DCDC2C: variants seen among roughly 807,000 people sequenced by gnomAD.
DCDC2C encodes doublecortin domain containing 2C.
Under a neutral mutation model 45.0 loss-of-function variants are expected in DCDC2C, and 44 were observed. The ratio of observed to expected loss-of-function variants is 0.98; its 90% CI spans 0.77 to 1.26. The LOEUF (loss-of-function observed/expected upper bound fraction) is 1.26. Ranked by LOEUF, DCDC2C falls within the 50% of genes most tolerant of loss-of-function variation. DCDC2C has a pLI of 0.00. For synonymous variants in DCDC2C, 187 were observed against 178.8 expected, an observed-to-expected ratio of 1.05 and a Z score of -0.37; for missense variants, 447 against 468.9, an observed-to-expected ratio of 0.95 and a Z score of 0.43.
Position 3,706,507 on chromosome 2 carries a change from C to T in DCDC2C, c.288-2042C>T, listed in dbSNP as rs117853709. On this transcript the variant is annotated intron_variant, in intron 1 of 10. Transcript: ENST00000399143. Reference sequence around the variant, plus strand: ...TTTGTGGAGAAAGCCACATTTACAACAAAATCTAAATCAGGGTGTTGTGTA... The same window carrying T: ...TTTGTGGAGAAAGCCACATTTACAATAAAATCTAAATCAGGGTGTTGTGTA... Among the ~76,000 whole-genome samples the T allele has an allele frequency of 3.4e-4, 51 of 152,212 alleles. No homozygotes were observed. The East Asian group carries it at 9.4e-3, about 28-fold the overall frequency.
At chr2:3,764,204 T>C (rs1394733503) in intron 6 of DCDC2C, among the ~76,000 whole-genome samples, 3 of 152,224 alleles carry the variant, frequency 2.0e-5, no homozygotes, top group Non-Finnish European at 2.9e-5. Context: ...TAAAAGACAG[T>C]TTAAACTGAG....
chr2:3,783,696 G>T (rs1670573301), intron 9 of DCDC2C, among the ~76,000 whole-genome samples: 1 of 152,240 alleles, frequency 6.6e-6, no homozygotes, highest in Non-Finnish European at 1.5e-5. Flanking sequence ...TGGCAGTGGA[G>T]GTAGCGTGGG....
In DCDC2C at chr2:3,703,907, G is replaced by T. The variant is rs1332461015; in HGVS notation, c.156G>T (p.Glu52Asp). The T allele has an allele frequency of 7.4e-7, 1 of 1,343,206 alleles. No individual in the cohort carries two copies. Among genetic ancestry groups the T allele is most frequent in the Middle Eastern group, 2.6e-4 (1 of 3,882 alleles). The allele number at this position is 1,343,206 out of a possible 1,614,324, so 83.2% of individuals were successfully genotyped here. A position where few individuals can be genotyped will look rare whatever the true frequency, so the allele number is the denominator to read the frequency against. The stretch of plus-strand genomic sequence containing the variant: ...AGGCGCTGCTGGAGCAGCTCACGGA[G>T]CAGGTGGACGTCCCGTTCGGCGTGC... ...TFEALLEQLTEQVDVPFGVRR... is the reference protein window; with the variant it reads ...TFEALLEQLTDQVDVPFGVRR... The change falls in exon 1 of 11, where the codon GAG becomes GAT. Residue 52 changes from glutamate to aspartate, a missense_variant. By Grantham distance (45) the Glu-to-Asp change is conservative (BLOSUM62 2). Coordinates refer to ENST00000399143, the MANE Select transcript of DCDC2C (RefSeq NM_001287444.2). This position sits in a 1 kb window ranked among gnomAD's most constrained non-coding sequence, Gnocchi z 4.4.
Position 3,767,841 on chromosome 2 carries a change from A to G in DCDC2C, c.814A>G (p.Lys272Glu). The G allele has an allele frequency of 6.5e-7, 1 of 1,543,984 alleles. No individual in the cohort carries two copies. The highest frequency in any genetic ancestry group is 8.7e-7 in the Non-Finnish European group (1 of 1,145,170). ...DSVYYAKEEK[K>E]KTLAEPLVQR... ...TGTTTATTATGCCAAAGAAGAAAAG[A>G]AGAAAACATTGGCAGAACCTTTAGT... The change falls in exon 7 of 11, where the codon AAG becomes GAG. Residue 272 changes from lysine to glutamate, a missense_variant. Physicochemically the swap from Lys to Glu is moderately conservative, Grantham distance 56 (BLOSUM62 1). Transcript: ENST00000399143.
At chr2:3,767,610 G>A (rs1237808245) in intron 6 of DCDC2C, 144 bp from the exon 7 acceptor site, 2 of 848,796 alleles carry the variant, frequency 2.4e-6, no homozygotes, top group Admixed American at 3.1e-5. Flanking sequence ...TGCATTCGAA[G>A]TGAGGCTTCT....
Position 3,703,648 on chromosome 2 carries a change from G to C in DCDC2C, c.-104G>C. ...CCGTCCTGCGCCAGCGGCTGGAGCG[G>C]ACCTCCCGTCGGCGGTGCCCGGGCC... On this transcript the variant is annotated 5_prime_UTR_variant, in exon 1 of 11. Transcript: ENST00000399143. This position sits in a 1 kb window ranked among gnomAD's most constrained non-coding sequence, Gnocchi z 4.4. The C allele has an allele frequency of 1.8e-6, 2 of 1,107,750 alleles. No homozygotes were observed. The highest frequency in any genetic ancestry group is 2.3e-6 in the Non-Finnish European group (2 of 881,924). 68.6% of individuals were successfully genotyped at this position (1,107,750 alleles called of 1,614,324 possible).
At chr2:3,745,174 T>G (rs1016446308) in intron 4 of DCDC2C, among the ~76,000 whole-genome samples, 1 of 152,138 alleles carries the variant, frequency 6.6e-6, no homozygotes, top group African/African-American at 2.4e-5. Context: ...TTAGTAGAGA[T>G]GAGTTTTTGC....
intron 10 of DCDC2C, among the ~76,000 whole-genome samples, chr2:3,812,610 T>C (rs1671428081): frequency 6.6e-6 from 1 of 152,218 alleles, no homozygotes; most frequent in Non-Finnish European, 1.5e-5. Flanking sequence ...AGTTATTTCT[T>C]GTCTTCTGCC....
chr2:3,841,954 C>T (rs1230825958), intron 10 of DCDC2C, among the ~76,000 whole-genome samples: 1 of 151,876 alleles, frequency 6.6e-6, no homozygotes, highest in African/African-American at 2.4e-5. Context: ...ATTGTCATGT[C>T]ATCTTAATCC....
chr2:3,813,584 G>A (rs1175693294), intron 10 of DCDC2C, among the ~76,000 whole-genome samples: 1 of 151,174 alleles, frequency 6.6e-6, no homozygotes, highest in East Asian at 1.9e-4. Context: ...CATGAATCTG[G>A]GTGCTCCTCT....
Position 3,766,208 on chromosome 2 carries a change from G to A in DCDC2C, c.727-1546G>A, listed in dbSNP as rs114756052. Among the ~76,000 whole-genome samples, 1,271 of 151,960 alleles carry A rather than the reference G, an allele frequency of 8.4e-3. 22 individuals carry two copies. The highest frequency in any genetic ancestry group is 0.029 in the African/African-American group (1,211 of 41,410). On this transcript the variant is annotated intron_variant, in intron 6 of 10. Coordinates refer to ENST00000399143, the MANE Select transcript of DCDC2C (RefSeq NM_001287444.2). ...GTGTCACAACTACTTCTGTGCCCTC[G>A]TTACTAGGGTGGGTTGTGCATGCTT...
At chr2:3,777,665 A>G (rs1363104621) in intron 8 of DCDC2C, among the ~76,000 whole-genome samples, 2 of 152,234 alleles carry the variant, frequency 1.3e-5, no homozygotes, top group East Asian at 3.8e-4. Context: ...ATAGGAAGAT[A>G]ATGCTCATAC....
chr2:3,706,896 G>A (rs1350366577), intron 1 of DCDC2C, among the ~76,000 whole-genome samples: 2 of 152,212 alleles, frequency 1.3e-5, no homozygotes, highest in African/African-American at 4.8e-5. Context: ...ACCTCTCCAA[G>A]ACTTGGTTTC....
chr2:3,824,050 C>T (rs1189885100), intron 10 of DCDC2C, among the ~76,000 whole-genome samples: 1 of 152,208 alleles, frequency 6.6e-6, no homozygotes, highest in Non-Finnish European at 1.5e-5. Flanking sequence ...AGACAGAAGC[C>T]TGGATTCAGT....
In DCDC2C at chr2:3,704,080, C is replaced by T. The variant is rs144689929; in HGVS notation, c.287+42C>T. The T allele has an allele frequency of 1.9e-3, 2,327 of 1,237,054 alleles. 30 individuals are homozygous for T. In the African/African-American group the frequency reaches 0.029, roughly 15 times the overall value. The allele number at this position is 1,237,054 out of a possible 1,614,324, so 76.6% of individuals were successfully genotyped here. On this transcript the variant is annotated intron_variant, in intron 1 of 10. Coordinates refer to ENST00000399143, the MANE Select transcript of DCDC2C (RefSeq NM_001287444.2). ...CCCCCACGCGCCCTGCGCCCCTCCCCGCCCTCTTGGGTCTGAGCGTGGTCA... is the reference window on the plus strand; with the variant it reads ...CCCCCACGCGCCCTGCGCCCCTCCCTGCCCTCTTGGGTCTGAGCGTGGTCA...
At chr2:3,800,618 T>C (rs1248166588) in intron 10 of DCDC2C, among the ~76,000 whole-genome samples, 5 of 149,814 alleles carry the variant, frequency 3.3e-5, no homozygotes, top group East Asian at 2.1e-4. Flanking sequence ...GTGCTTTTTC[T>C]TGAGATAATC....
At chr2:3,835,046 G>A (rs185797907) in intron 10 of DCDC2C, among the ~76,000 whole-genome samples, 42 of 152,306 alleles carry the variant, frequency 2.8e-4, no homozygotes, top group African/African-American at 9.9e-4. Flanking sequence ...ATCCAGATTT[G>A]TCTTGCTCCA....
At chr2:3,724,581 T>G (rs1051500232) in intron 2 of DCDC2C, among the ~76,000 whole-genome samples, 1 of 152,224 alleles carries the variant, frequency 6.6e-6, no homozygotes, top group African/African-American at 2.4e-5. Flanking sequence ...CATGGCACTT[T>G]CGTAGATGAC....
At chr2:3,846,277 ATCC>A (rs1050967096) in intron 10 of DCDC2C, among the ~76,000 whole-genome samples, 1 of 135,032 alleles carries the variant, frequency 7.4e-6, no homozygotes, top group African/African-American at 2.8e-5. Flanking sequence ...CCTCCTTTTC[ATCC>A]TCCTCCTCCT....
Sources: gnomAD v4.1 joint callset for allele counts (sites outside exome capture counted in the v4.1 genomes callset) on GRCh38, gnomAD v4.1.1 for gene constraint, Gnocchi (gnomAD v3.1) non-coding constraint, MANE v1.5 for transcripts, NCBI Gene and HGNC (gene_info 2026-07-23, HGNC 2026-07-21) for gene names.